ADAM23: variants seen among roughly 807,000 people sequenced by gnomAD.
The protein encoded by ADAM23 is disintegrin and metalloproteinase domain-containing protein 23.
In ADAM23, 33 loss-of-function variants were observed where a neutral mutation model predicts 120.1. The ratio of observed to expected loss-of-function variants is 0.27; its 90% confidence interval spans 0.21 to 0.37. ADAM23 has a LOEUF of 0.37. Ranked by LOEUF, ADAM23 falls within the 10% of genes least tolerant of loss-of-function variation. The probability of loss-of-function intolerance (pLI) is 1.00; values close to 1 mark genes in which losing one functional copy is unlikely to be tolerated. For synonymous variants in ADAM23, 367 were observed against 375.2 expected (o/e 0.98, Z 0.25); for missense variants, 862 against 1,058.2 (o/e 0.81, Z 2.57).
intron 3 of ADAM23, among the ~76,000 whole-genome samples, chr2:206,482,627 T>C (rs767770575): frequency 6.6e-6 from 1 of 152,190 alleles, no homozygotes; most frequent in Admixed American, 6.5e-5. Context: ...AAGTTATCAG[T>C]AACATTTAGC....
At chr2:206,485,113 C>T (rs933194890) in intron 3 of ADAM23, among the ~76,000 whole-genome samples, 2 of 152,148 alleles carry the variant, frequency 1.3e-5, no homozygotes, top group African/African-American at 4.8e-5. Flanking sequence ...ATCCCCCATG[C>T]TGTCCTGAGC....
chr2:206,470,058 T>G (rs1574483894), intron 2 of ADAM23, among the ~76,000 whole-genome samples: 1 of 152,288 alleles, frequency 6.6e-6, no homozygotes. Flanking sequence ...TATTGTTGGT[T>G]GTATTAGCCA....
chr2:206,571,847 T>G lies in ADAM23; in HGVS notation c.1656+31T>G, dbSNP rs758598682. ...TTTTCTGACAGTTTCATCTTTCTTT[T>G]AATTGACAGATTAGCCAGATATCTC... On this transcript the variant is annotated intron_variant, in intron 17 of 25. Transcript: ENST00000264377. The G allele has an allele frequency of 1.9e-6, 3 of 1,578,626 alleles. No homozygotes were observed. In the South Asian group the frequency reaches 3.3e-5, roughly 17 times the overall value.
chr2:206,532,392 G>A (rs1362836857), intron 4 of ADAM23, among the ~76,000 whole-genome samples: 3 of 151,760 alleles, frequency 2.0e-5, no homozygotes, highest in Non-Finnish European at 4.4e-5. Flanking sequence ...GGTCCCAAAA[G>A]GAGACCTTAT....
chr2:206,460,064 C>A (rs533032933), intron 2 of ADAM23, among the ~76,000 whole-genome samples: 6 of 151,946 alleles, frequency 3.9e-5, no homozygotes, highest in African/African-American at 1.2e-4. Flanking sequence ...TCATTTCACT[C>A]TTGGCTCAAC....
At chr2:206,505,282 A>G (rs1243756938) in intron 3 of ADAM23, among the ~76,000 whole-genome samples, 1 of 152,226 alleles carries the variant, frequency 6.6e-6, no homozygotes, top group East Asian at 1.9e-4. Context: ...ATCACTAATA[A>G]TCTACACATT....
At chr2:206,450,430 C>T (rs1055759405) in intron 2 of ADAM23, among the ~76,000 whole-genome samples, 3 of 152,102 alleles carry the variant, frequency 2.0e-5, no homozygotes, top group African/African-American at 7.2e-5. Context: ...TGTAGTAGGC[C>T]TTCTGTGGAA....
intron 24 of ADAM23, among the ~76,000 whole-genome samples, chr2:206,603,586 AC>A (rs1339316422): frequency 6.6e-6 from 1 of 152,164 alleles, no homozygotes; most frequent in African/African-American, 2.4e-5. Flanking sequence ...AAGAGTACTT[AC>A]CAGCTAATAA....
chr2:206,572,998 A>G, intron 17 of ADAM23, 117 bp from the exon 18 acceptor site: 1 of 1,011,270 alleles, frequency 9.9e-7, no homozygotes, highest in South Asian at 1.3e-5. Context: ...TAATTCTTAA[A>G]AAGAGTTTGG....
chr2:206,602,095 G>A (rs1001105917), intron 24 of ADAM23, among the ~76,000 whole-genome samples: 3 of 152,116 alleles, frequency 2.0e-5, no homozygotes, highest in African/African-American at 7.2e-5. Context: ...TAGTTTAGAT[G>A]ATTAGATATG....
chr2:206,578,394 A>T (rs1215726119), intron 18 of ADAM23, among the ~76,000 whole-genome samples: 1 of 150,344 alleles, frequency 6.7e-6, no homozygotes, highest in Non-Finnish European at 1.5e-5. Context: ...TTGTATCATT[A>T]TCATGTCTTT....
intron 24 of ADAM23, among the ~76,000 whole-genome samples, chr2:206,596,832 A>G (rs1373983931): frequency 1.3e-5 from 2 of 151,508 alleles, no homozygotes; most frequent in Admixed American, 6.6e-5. Context: ...AGACAAGGCC[A>G]GGATCAGGAC....
At chr2:206,575,348 T>C (rs1698090604) in intron 18 of ADAM23, among the ~76,000 whole-genome samples, 1 of 152,228 alleles carries the variant, frequency 6.6e-6, no homozygotes, top group African/African-American at 2.4e-5. Context: ...CCCCATACTG[T>C]TACACAGTTT....
chr2:206,485,112 G>T (rs923090404), intron 3 of ADAM23, among the ~76,000 whole-genome samples: 2 of 152,124 alleles, frequency 1.3e-5, no homozygotes, highest in African/African-American at 4.8e-5. Context: ...CATCCCCCAT[G>T]CTGTCCTGAG....
At chr2:206,445,097 A>G (rs759867675) in intron 1 of ADAM23, among the ~76,000 whole-genome samples, 2 of 151,834 alleles carry the variant, frequency 1.3e-5, no homozygotes, top group Non-Finnish European at 2.9e-5. Flanking sequence ...TATAAGCCTT[A>G]TTGGCTATTT....
intron 9 of ADAM23, among the ~76,000 whole-genome samples, chr2:206,552,726 A>G (rs1005044476): frequency 3.3e-5 from 5 of 152,134 alleles, no homozygotes; most frequent in African/African-American, 7.2e-5. Context: ...CAGTGATCCA[A>G]TCTCATCTCG....
chr2:206,526,223 T>C (rs185688333), intron 3 of ADAM23, among the ~76,000 whole-genome samples: 83 of 152,034 alleles, frequency 5.5e-4, no homozygotes, highest in African/African-American at 2.0e-3. Context: ...TATAAAACTT[T>C]CCTGAGGTAA....
At chr2:206,530,996 A>G (rs1177364136) in intron 4 of ADAM23, 48 bp downstream of exon 4, 2 of 1,528,388 alleles carry the variant, frequency 1.3e-6, no homozygotes, top group Non-Finnish European at 1.8e-6. Flanking sequence ...TGTGCTTATC[A>G]TAGAGTTGAT....
At chr2:206,517,640 T>A (rs970427800) in intron 3 of ADAM23, among the ~76,000 whole-genome samples, 2 of 152,160 alleles carry the variant, frequency 1.3e-5, no homozygotes, top group African/African-American at 4.8e-5. Context: ...ATTTTGACTC[T>A]GCTAGACCAC....
Sources: gnomAD v4.1 joint callset for allele counts (sites outside exome capture counted in the v4.1 genomes callset) on GRCh38, gnomAD v4.1.1 for gene constraint, MANE v1.5 for transcripts, NCBI Gene and HGNC (gene_info 2026-07-23, HGNC 2026-07-21) for gene names.